The following GCN1 variants were observed in gnomAD, a reference collection of about 807,000 sequenced individuals.
GCN1 encodes stalled ribosome sensor GCN1.
A neutral mutation model predicts 288.4 loss-of-function variants in GCN1; 90 were observed. The ratio of observed to expected loss-of-function variants is 0.31; its 90% CI spans 0.26 to 0.37. GCN1 has a LOEUF of 0.37. Among genes scored for constraint, GCN1 ranks in the 10% least tolerant of loss-of-function variants. The probability of loss-of-function intolerance (pLI) is 1.00; values close to 1 mark genes in which losing one functional copy is unlikely to be tolerated. For missense variants in GCN1, 2,586 were observed against 3,419.9 expected, an observed-to-expected ratio of 0.76 and a Z score of 6.08; for synonymous variants, 1,386 against 1,420.2, an observed-to-expected ratio of 0.98 and a Z score of 0.54.
Position 120,138,580 on chromosome 12 carries a change from T to A in GCN1, c.6156+115A>T, listed in dbSNP as rs75515513. Reference sequence around the variant, plus strand: ...CCAAGTCTGATCTTGCTATACCCACTCCCTCTGGAGGGCCCACATTGCGAC... The same window carrying A: ...CCAAGTCTGATCTTGCTATACCCACACCCTCTGGAGGGCCCACATTGCGAC... On this transcript the variant is annotated intron_variant, in intron 46 of 57. Transcript: ENST00000300648. 1,562 of 1,134,656 alleles carry A rather than the reference T, an allele frequency of 1.4e-3. 17 individuals are homozygous for A. The African/African-American group carries it at 0.021, about 15-fold the overall frequency. 70.3% of individuals were successfully genotyped at this position (1,134,656 alleles called of 1,614,324 possible). A position where few individuals can be genotyped will look rare whatever the true frequency, so the allele number is the denominator to read the frequency against.
At chr12:120,138,597 C>T in intron 46 of GCN1, 98 bp downstream of exon 46, 2 of 1,290,678 alleles carry the variant, frequency 1.5e-6, no homozygotes. Context: ...GGAGGGCCCA[C>T]ATTGCGACTG....
chr12:120,165,878 G>A (rs1417572697), intron 16 of GCN1, among the ~76,000 whole-genome samples: 4 of 151,520 alleles, frequency 2.6e-5, no homozygotes, highest in Non-Finnish European at 4.4e-5. Flanking sequence ...TGCAACCTCC[G>A]CCTCTTGGGT....
Position 120,144,075 on chromosome 12 carries a change from C to T in GCN1, c.5495+231G>A, listed in dbSNP as rs1245483687. ...CACTGCAACCTCTACCTCTGGGGCTCAAGTGATCCTTCCGCCTCAGCCTCC... is the reference window on the plus strand; with the variant it reads ...CACTGCAACCTCTACCTCTGGGGCTTAAGTGATCCTTCCGCCTCAGCCTCC... On this transcript the variant is annotated intron_variant, in intron 42 of 57. Transcript: ENST00000300648. The surrounding 1 kb of genome is among the most constrained non-coding windows in gnomAD (Gnocchi z 4.7). Among the ~76,000 whole-genome samples the T allele has an allele frequency of 6.6e-6, 1 of 152,206 alleles. No individual in the cohort carries two copies. The highest frequency in any genetic ancestry group is 2.4e-5 in the African/African-American group (1 of 41,448).
In GCN1 at chr12:120,151,138, T is replaced by C; in HGVS notation, c.4309+7A>G. 1 of 1,612,092 alleles carries C rather than the reference T, an allele frequency of 6.2e-7. No individual in the cohort carries two copies. The highest frequency in any genetic ancestry group is 8.5e-7 in the Non-Finnish European group (1 of 1,179,682). Reference sequence around the variant, plus strand: ...TGCTGGGCAGCCCCAAGCTCAGAGATGCTCACCCTCTCGCCGGCGGAAGTT... The same window carrying C: ...TGCTGGGCAGCCCCAAGCTCAGAGACGCTCACCCTCTCGCCGGCGGAAGTT... On this transcript the variant is annotated splice_region_variant and intron_variant, in intron 34 of 57. Transcript: ENST00000300648.
intron 1 of GCN1, among the ~76,000 whole-genome samples, chr12:120,190,818 G>A (rs1286473062): frequency 6.6e-6 from 1 of 152,102 alleles, no homozygotes; most frequent in Non-Finnish European, 1.5e-5. Context: ...GGCCTGGTAC[G>A]TGCCAACTAT....
chr12:120,160,073 C>A, intron 23 of GCN1, 50 bp from the exon 24 acceptor site: 1 of 1,582,808 alleles, frequency 6.3e-7, no homozygotes, highest in East Asian at 2.2e-5. Context: ...CTGCTTGTGA[C>A]AGCAAGCAGC....
chr12:120,134,434 C>T lies in GCN1; in HGVS notation c.7203-29G>A. ...CAGAAGCAATGCACCGCCTTAAGCCCTGGGTGCCTCCACCACCACCCCTCC... is the reference window on the plus strand; with the variant it reads ...CAGAAGCAATGCACCGCCTTAAGCCTTGGGTGCCTCCACCACCACCCCTCC... On this transcript the variant is annotated intron_variant, in intron 52 of 57. Coordinates refer to ENST00000300648, the MANE Select transcript of GCN1 (RefSeq NM_006836.2). This position sits in a 1 kb window ranked among gnomAD's most constrained non-coding sequence, Gnocchi z 5.0. 1.3e-6 allele frequency: 2 copies of T among 1,589,788 alleles called. No individual in the cohort carries two copies. Among genetic ancestry groups the T allele is most frequent in the African/African-American group, 1.3e-5 (1 of 74,558 alleles).
chr12:120,193,392 G>A (rs1879070052), intron 1 of GCN1, among the ~76,000 whole-genome samples: 1 of 151,900 alleles, frequency 6.6e-6, no homozygotes, highest in South Asian at 2.1e-4. Context: ...TGCAACCTCT[G>A]CCTCCCAGGT....
At chr12:120,180,868 T>G (rs1397314311) in intron 5 of GCN1, among the ~76,000 whole-genome samples, 2 of 151,544 alleles carry the variant, frequency 1.3e-5, no homozygotes, top group Non-Finnish European at 2.9e-5. Flanking sequence ...CAGGCGCCTG[T>G]AGTCCCAGCT....
At chr12:120,183,533 CT>C in intron 5 of GCN1, 35 bp downstream of exon 5, 1 of 1,281,804 alleles carries the variant, frequency 7.8e-7, no homozygotes, top group Non-Finnish European at 1.1e-6. Context: ...TGGCAGAAAG[CT>C]GACCCTTGCT....
intron 16 of GCN1, among the ~76,000 whole-genome samples, chr12:120,165,328 C>T (rs972659257): frequency 6.6e-6 from 1 of 152,144 alleles, no homozygotes; most frequent in African/African-American, 2.4e-5. Context: ...AGCCACTGCA[C>T]CAGGCCAAAT....
rs1876656139 is a variant in GCN1, at chr12:120,127,536, C to T, written c.*313G>A. ...AGCTCAAGCACAGGAGAAGAGGAACCCACAGTCTGACCCTGCTATTATAGT... is the reference window on the plus strand; with the variant it reads ...AGCTCAAGCACAGGAGAAGAGGAACTCACAGTCTGACCCTGCTATTATAGT... On this transcript the variant is annotated 3_prime_UTR_variant, in exon 58 of 58. Coordinates refer to ENST00000300648, the MANE Select transcript of GCN1 (RefSeq NM_006836.2). 1 of 262,444 alleles carries T rather than the reference C, an allele frequency of 3.8e-6. No individual in the cohort carries two copies. The highest frequency in any genetic ancestry group is 7.5e-6 in the Non-Finnish European group (1 of 133,374). The allele number at this position is 262,444 out of a possible 1,614,324, so 16.3% of individuals were successfully genotyped here.
Position 120,142,098 on chromosome 12 carries a change from G to A in GCN1, c.5829+409C>T, listed in dbSNP as rs1397535618. Among the ~76,000 whole-genome samples, 2 of 152,068 alleles carry A rather than the reference G, an allele frequency of 1.3e-5. No individual in the cohort carries two copies. Among genetic ancestry groups the A allele is most frequent in the South Asian group, 2.1e-4 (1 of 4,820 alleles). On this transcript the variant is annotated intron_variant, in intron 44 of 57. Coordinates refer to ENST00000300648, the MANE Select transcript of GCN1 (RefSeq NM_006836.2). The surrounding 1 kb of genome is among the most constrained non-coding windows in gnomAD (Gnocchi z 4.9). The stretch of plus-strand genomic sequence containing the variant: ...TCCCAGCACTTTGGGAGGCCGAGAC[G>A]GGCGCATCACGAGGTCAGGAGATCG...
rs751197425 is a variant in GCN1, at chr12:120,148,986, A to ATT, written c.4546+618_4546+619dup. ...AGGCATGCACCACCACACTTGGCCT[A>ATT]TTTTTTTTTTTTTTGGTAGAGGTAG... On this transcript the variant is annotated intron_variant, in intron 36 of 57. Coordinates refer to ENST00000300648, the MANE Select transcript of GCN1 (RefSeq NM_006836.2). Among the ~76,000 whole-genome samples, 34 of 139,382 alleles carry ATT rather than the reference A, an allele frequency of 2.4e-4. 1 individual carries two copies. The highest frequency in any genetic ancestry group is 6.1e-4 in the African/African-American group (23 of 37,696). The allele number at this position is 139,382 out of a possible 152,430, so 91.4% of individuals were successfully genotyped here.
chr12:120,150,733 C>T (rs532782852), intron 34 of GCN1, among the ~76,000 whole-genome samples: 3 of 151,628 alleles, frequency 2.0e-5, no homozygotes, highest in Admixed American at 6.6e-5. Context: ...GTCAGGAGAT[C>T]GAGACCATCC....
rs575616846 is a variant in GCN1, at chr12:120,185,879, G to A, written c.122-992C>T. 4.6e-5 allele frequency among the ~76,000 whole-genome samples: 7 copies of A among 152,224 alleles called. No individual in the cohort carries two copies. The East Asian group carries it at 1.2e-3, about 25-fold the overall frequency. ...CTCCCAAAGTGCTAGGATTACAGGC[G>A]TGAGCCATCGCACCCGGATTAAGCC... On this transcript the variant is annotated intron_variant, in intron 2 of 57. Coordinates refer to ENST00000300648, the MANE Select transcript of GCN1 (RefSeq NM_006836.2).
intron 34 of GCN1, 80 bp downstream of exon 34, chr12:120,151,065 C>A (rs537697325): frequency 6.7e-7 from 1 of 1,494,356 alleles, no homozygotes; most frequent in African/African-American, 1.4e-5. Context: ...CCACCTGGGG[C>A]GCCACGGTCA....
At chr12:120,128,904 T>A (rs556673573) in intron 57 of GCN1, among the ~76,000 whole-genome samples, 1 of 140,232 alleles carries the variant, frequency 7.1e-6, no homozygotes, top group African/African-American at 2.8e-5. Context: ...TGCAGTGGCA[T>A]GATCTCAGCT....
At chr12:120,177,220 A>G (rs908443738) in intron 9 of GCN1, among the ~76,000 whole-genome samples, 17 of 152,032 alleles carry the variant, frequency 1.1e-4, no homozygotes, top group African/African-American at 4.1e-4. Flanking sequence ...TGATCTGCCC[A>G]CTGCCGCCTC....
Sources: allele counts gnomAD v4.1 joint callset (sites outside exome capture counted in the v4.1 genomes callset), GRCh38; gene constraint gnomAD v4.1.1; non-coding constraint Gnocchi (gnomAD v3.1); transcripts MANE v1.5; gene names NCBI Gene and HGNC (gene_info 2026-07-23, HGNC 2026-07-21).